Variants in CR1L observed in about 807,000 individuals in gnomAD.
CR1L encodes the protein complement C3b/C4b receptor 1 like, also known as complement component receptor 1-like protein.
Under a neutral mutation model 62.3 loss-of-function variants are expected in CR1L, and 59 were observed. The observed-to-expected ratio is 0.95, with a 90% CI of 0.77 to 1.18. The LOEUF (loss-of-function observed/expected upper bound fraction) is 1.18, where lower values mean the gene tolerates loss of function less well. Ranked by LOEUF, CR1L falls within the 50% of genes most tolerant of loss-of-function variation. The probability of loss-of-function intolerance (pLI) is 0.00; values close to 1 mark genes in which losing one functional copy is unlikely to be tolerated. For missense variants in CR1L, 700 were observed against 702.8 expected (o/e 1.00, Z 0.04); for synonymous variants, 279 against 248.7 (o/e 1.12, Z -1.15).
chr1:207,699,219 C>T lies in CR1L; in HGVS notation c.1173C>T (p.Tyr391=). ...GFQLKGSSAS[Y]CVLAGMESLW... ...AATTAAAAGGCAGCTCTGCTAGTTA[C>T]TGTGTTTTGGCTGGAATGGAAAGCC... is the stretch of plus-strand genomic sequence containing the variant. Residue 391 remains tyrosine, a synonymous_variant, in exon 8 of 12, where the codon TAC becomes TAT. Coordinates refer to ENST00000508064, the MANE Select transcript of CR1L (RefSeq NM_175710.2). 1.2e-6 allele frequency: 2 copies of T among 1,613,720 alleles called. No homozygotes were observed. Among genetic ancestry groups the T allele is most frequent in the Non-Finnish European group, 1.7e-6 (2 of 1,179,714 alleles).
chr1:207,706,182 G>A lies in CR1L; in HGVS notation c.1329-1996G>A, dbSNP rs575706465. ...CACACCTGTAATCCCAACACTGAGA[G>A]GCCGAAGCAAGAGAATCACTTGACC... On this transcript the variant is annotated intron_variant, in intron 9 of 11. Transcript: ENST00000508064. Among the ~76,000 whole-genome samples the A allele has an allele frequency of 7.3e-4, 111 of 152,006 alleles. 1 individual carries two copies. Among genetic ancestry groups the A allele is most frequent in the Non-Finnish European group, 1.3e-3 (86 of 67,982 alleles).
At chr1:207,678,394 A>G (rs769544683) in intron 3 of CR1L, 97 bp downstream of exon 3, 15 of 1,066,870 alleles carry the variant, frequency 1.4e-5, no homozygotes, top group Middle Eastern at 2.0e-4. Context: ...CAACTAAACT[A>G]TTACCATCTG....
chr1:207,689,936 G>C (rs997334887), intron 4 of CR1L, among the ~76,000 whole-genome samples: 5 of 152,016 alleles, frequency 3.3e-5, no homozygotes, highest in Non-Finnish European at 7.4e-5. Context: ...TTGGATGTCT[G>C]TAAATTCTGT....
chr1:207,666,456 G>A (rs905892615), intron 1 of CR1L, among the ~76,000 whole-genome samples: 2 of 152,166 alleles, frequency 1.3e-5, no homozygotes. Context: ...CAATTTCAAT[G>A]CCCATCAGTG....
intron 1 of CR1L, chr1:207,669,621 C>G (rs1236004437): frequency 4.6e-6 from 5 of 1,086,674 alleles, no homozygotes; most frequent in African/African-American, 1.6e-5. Flanking sequence ...CCCAGGGCCC[C>G]GCAGAGAACT....
intron 1 of CR1L, among the ~76,000 whole-genome samples, chr1:207,654,884 G>A (rs1663281716): frequency 6.6e-6 from 1 of 152,212 alleles, no homozygotes; most frequent in Non-Finnish European, 1.5e-5. Context: ...GCAAAGTCGT[G>A]TGAGAAAACG....
chr1:207,666,538 C>A (rs1054563605), intron 1 of CR1L, among the ~76,000 whole-genome samples: 4 of 152,152 alleles, frequency 2.6e-5, no homozygotes, highest in African/African-American at 7.2e-5. Context: ...AGAATGAGAT[C>A]ATGTCCTCTT....
chr1:207,688,509 G>C (rs1364087605), intron 4 of CR1L, among the ~76,000 whole-genome samples: 1 of 152,070 alleles, frequency 6.6e-6, no homozygotes, highest in Admixed American at 6.6e-5. Context: ...GATATCTGGT[G>C]GCATATATCT....
chr1:207,649,386 AG>A (rs1372811615), intron 1 of CR1L, among the ~76,000 whole-genome samples: 3 of 152,220 alleles, frequency 2.0e-5, no homozygotes, highest in African/African-American at 7.2e-5. Context: ...CAGGCTTGTC[AG>A]GAATAAACAA....
intron 9 of CR1L, among the ~76,000 whole-genome samples, chr1:207,703,910 C>A (rs978268480): frequency 2.0e-5 from 3 of 151,704 alleles, no homozygotes; most frequent in African/African-American, 7.3e-5. Flanking sequence ...GCCGAGATTG[C>A]GTCACCGCAC....
chr1:207,663,810 A>G (rs777210512), intron 1 of CR1L, among the ~76,000 whole-genome samples: 1 of 152,056 alleles, frequency 6.6e-6, no homozygotes, highest in Non-Finnish European at 1.5e-5. Flanking sequence ...ATCTGTTGAC[A>G]CCTTTACTGA....
At chr1:207,674,992 G>A (rs540273871) in intron 1 of CR1L, among the ~76,000 whole-genome samples, 42 of 152,068 alleles carry the variant, frequency 2.8e-4, no homozygotes, top group African/African-American at 8.4e-4. Context: ...GGGACATAGC[G>A]TGGACTCTTC....
At chr1:207,707,203 A>AAT (rs1205771968) in intron 9 of CR1L, among the ~76,000 whole-genome samples, 3 of 152,248 alleles carry the variant, frequency 2.0e-5, no homozygotes, top group Non-Finnish European at 4.4e-5. Flanking sequence ...AAGGAAAAAG[A>AAT]ATAGCAAGGA....
In CR1L at chr1:207,707,785, T is replaced by C. The variant is rs10909339; in HGVS notation, c.1329-393T>C. On this transcript the variant is annotated intron_variant, in intron 9 of 11. Transcript: ENST00000508064. ...TGCCTCAAGTTAAATGGCATAGTAT[T>C]ACACACACACACACACACACACACA... Among the ~76,000 whole-genome samples, 128 of 126,808 alleles carry C rather than the reference T, an allele frequency of 1.0e-3. 1 individual carries two copies. The highest frequency in any genetic ancestry group is 3.7e-3 in the African/African-American group (120 of 32,654). 83.2% of individuals were successfully genotyped at this position (126,808 alleles called of 152,430 possible). A position where few individuals can be genotyped will look rare whatever the true frequency, so the allele number is the denominator to read the frequency against.
At chr1:207,677,337 A>AC (rs1663710267) in intron 1 of CR1L, 52 bp from the exon 2 acceptor site, 1 of 885,908 alleles carries the variant, frequency 1.1e-6, no homozygotes, top group African/African-American at 1.9e-5. Flanking sequence ...AAAAAAAAAA[A>AC]GTATGGTAAT....
Position 207,673,884 on chromosome 1 carries a change from G to T in CR1L, c.98-3505G>T, listed in dbSNP as rs188683254. On this transcript the variant is annotated intron_variant, in intron 1 of 11. Transcript: ENST00000508064. ...GTACATGAATTTTCATAACAGTTTT[G>T]TTTGTAATAGCCAACGAGTGGGAAC... Among the ~76,000 whole-genome samples the T allele has an allele frequency of 1.7e-3, 253 of 152,240 alleles. 3 individuals are homozygous for T. The highest frequency in any genetic ancestry group is 4.1e-3 in the African/African-American group (171 of 41,536).
At chr1:207,675,020 A>G (rs1663668313) in intron 1 of CR1L, among the ~76,000 whole-genome samples, 1 of 152,122 alleles carries the variant, frequency 6.6e-6, no homozygotes, top group Non-Finnish European at 1.5e-5. Flanking sequence ...TTTAAGTTTT[A>G]TAAGTAATTC....
intron 1 of CR1L, among the ~76,000 whole-genome samples, chr1:207,673,899 C>T (rs902150995): frequency 1.2e-4 from 19 of 152,088 alleles, no homozygotes; most frequent in African/African-American, 2.7e-4. Flanking sequence ...TAATAGCCAA[C>T]GAGTGGGAAC....
At chr1:207,646,326 G>T (rs1263165542) in intron 1 of CR1L, among the ~76,000 whole-genome samples, 1 of 152,158 alleles carries the variant, frequency 6.6e-6, no homozygotes, top group Non-Finnish European at 1.5e-5. Context: ...GGCAGATAAT[G>T]TTAATCTTGT....
Sources: gnomAD v4.1 joint callset for allele counts (sites outside exome capture counted in the v4.1 genomes callset) on GRCh38, gnomAD v4.1.1 for gene constraint, MANE v1.5 for transcripts, NCBI Gene and HGNC (gene_info 2026-07-23, HGNC 2026-07-21) for gene names.